Variants in GRK7 observed in about 807,000 individuals in gnomAD.
GRK7 encodes G protein-coupled receptor kinase 7, also known as rhodopsin kinase GRK7.
A neutral mutation model predicts 34.1 loss-of-function variants in GRK7; 24 were observed. The ratio of observed to expected loss-of-function variants is 0.70; its 90% CI spans 0.51 to 0.99. GRK7 has a LOEUF of 0.99. Ranked by LOEUF, GRK7 falls within the 50% of genes least tolerant of loss-of-function variation. The pLI is 0.00. For synonymous variants in GRK7, 256 were observed against 279.4 expected (o/e 0.92, Z 0.84); for missense variants, 644 against 707.3 (o/e 0.91, Z 1.02).
At chr3:141,754,808 C>G in the GRK7 span, among the ~76,000 whole-genome samples, 9 of 152,296 alleles carry the variant, frequency 5.9e-5, no homozygotes, top group Admixed American at 1.3e-4. Flanking sequence ...GCTACATATA[C>G]TTTCTTTTCA....
At chr3:141,783,353 G>A (rs577874771) in intron 4 of GRK7, among the ~76,000 whole-genome samples, 6 of 152,342 alleles carry the variant, frequency 3.9e-5, no homozygotes, top group East Asian at 1.9e-4. Context: ...AAGATCACCC[G>A]GCTCATGTCC....
intron 4 of GRK7, among the ~76,000 whole-genome samples, chr3:141,806,294 G>A (rs149285980): frequency 1.4e-3 from 206 of 152,232 alleles, no homozygotes; most frequent in African/African-American, 4.7e-3. Context: ...CAGGCACGGT[G>A]GCTCACATCT....
At chr3:141,772,254 G>A (rs1414136260) in intron 1 of GRK7, among the ~76,000 whole-genome samples, 2 of 151,666 alleles carry the variant, frequency 1.3e-5, no homozygotes, top group East Asian at 1.9e-4. Flanking sequence ...GCCACCATGC[G>A]CGGCTAATTT....
At chr3:141,771,345 A>G (rs2084616054) in intron 1 of GRK7, among the ~76,000 whole-genome samples, 1 of 152,234 alleles carries the variant, frequency 6.6e-6, no homozygotes, top group Admixed American at 6.5e-5. Context: ...AACATCTCAG[A>G]AAGAGAAAGT....
intron 5 of GRK7, among the ~76,000 whole-genome samples, chr3:141,809,420 C>T (rs1001328448): frequency 2.2e-4 from 34 of 152,138 alleles, no homozygotes; most frequent in African/African-American, 6.5e-4. Context: ...TTTAGAAGGC[C>T]GGGCGCAGTG....
Position 141,778,271 on chromosome 3 carries a change from C to T in GRK7, c.-14C>T, listed in dbSNP as rs1346380287. 3 of 1,544,096 alleles carry T rather than the reference C, an allele frequency of 1.9e-6. No individual in the cohort carries two copies. The highest frequency in any genetic ancestry group is 2.5e-5 in the South Asian group (2 of 79,848). On this transcript the variant is annotated 5_prime_UTR_variant, in exon 3 of 6. Transcript: ENST00000682958. The surrounding 1 kb of genome is among the most constrained non-coding windows in gnomAD (Gnocchi z 4.1). ...CTCTTGTGCTTTCCCTGGGAGTGCG[C>T]CCCGTGCTCAGCCATGGTGGACATG...
chr3:141,784,046 T>C (rs2084684358), intron 4 of GRK7, among the ~76,000 whole-genome samples: 1 of 152,196 alleles, frequency 6.6e-6, no homozygotes. Flanking sequence ...TGGACATGTA[T>C]CACACTAATT....
intron 4 of GRK7, among the ~76,000 whole-genome samples, chr3:141,792,370 C>T (rs2084728533): frequency 1.3e-5 from 2 of 149,372 alleles, no homozygotes; most frequent in South Asian, 4.2e-4. Flanking sequence ...TGCCACTGCA[C>T]TCCAACCTGG....
chr3:141,753,849 T>C, the GRK7 span, among the ~76,000 whole-genome samples: 2 of 152,362 alleles, frequency 1.3e-5, no homozygotes, highest in Non-Finnish European at 2.9e-5. Context: ...TCATAAATGC[T>C]AAAACAATAT....
At chr3:141,762,763 CGAGATTCCGTGGG>C (rs906849714), upstream of GRK7, among the ~76,000 whole-genome samples, 4 of 152,066 alleles carry the variant, frequency 2.6e-5, no homozygotes, top group Non-Finnish European at 4.4e-5. Context: ...TAGCAATCAG[CGAGATTCCGTGGG>C]GAGATTCCGT....
Position 141,807,938 on chromosome 3 carries a change from G to A in GRK7, c.1325+19G>A. ...GAAGCAGGTAAACTAGCATGTAACA[G>A]AGAGGATTGCTGACACCAGTATTGT... is the stretch of plus-strand genomic sequence containing the variant. On this transcript the variant is annotated intron_variant, in intron 5 of 5. Transcript: ENST00000682958. 1 of 1,555,116 alleles carries A rather than the reference G, an allele frequency of 6.4e-7. No homozygotes were observed. Among genetic ancestry groups the A allele is most frequent in the Non-Finnish European group, 8.7e-7 (1 of 1,151,006 alleles).
At chr3:141,787,391 A>T (rs1170086259) in intron 4 of GRK7, among the ~76,000 whole-genome samples, 1 of 152,134 alleles carries the variant, frequency 6.6e-6, no homozygotes, top group Non-Finnish European at 1.5e-5. Context: ...TGGGAGGCTG[A>T]GGCGGGTGGA....
In GRK7 at chr3:141,817,102, G is replaced by A. The variant is rs1004413057; in HGVS notation, c.*52G>A. 1.0e-5 allele frequency: 14 copies of A among 1,365,798 alleles called. No individual in the cohort carries two copies. The highest frequency in any genetic ancestry group is 4.6e-5 in the East Asian group (2 of 43,464). 84.6% of individuals were successfully genotyped at this position (1,365,798 alleles called of 1,614,324 possible). On this transcript the variant is annotated 3_prime_UTR_variant, in exon 6 of 6. Coordinates refer to ENST00000682958, the MANE Select transcript of GRK7 (RefSeq NM_139209.3). ...AGGAGTCTCGGCTGACATAATCCTCGAATGTTCCACACGTGGAAATCTGTG... is the reference window on the plus strand; with the variant it reads ...AGGAGTCTCGGCTGACATAATCCTCAAATGTTCCACACGTGGAAATCTGTG...
chr3:141,769,943 C>T (rs573305805), intron 1 of GRK7, among the ~76,000 whole-genome samples: 1 of 152,288 alleles, frequency 6.6e-6, no homozygotes, highest in Non-Finnish European at 1.5e-5. Flanking sequence ...GAGACAGAGC[C>T]TTGCCCTGTC....
At position 141,818,548 on chromosome 3, in the gene GRK7, A is replaced by G. The variant is rs1051720930; in HGVS notation, c.*1498A>G. ...AAATTGAATTGAAAAAATACTAACC[A>G]TCATTTCAAGTGGCTGCCCAGCCAA... On this transcript the variant is annotated 3_prime_UTR_variant, in exon 6 of 6. Coordinates refer to ENST00000682958, the MANE Select transcript of GRK7 (RefSeq NM_139209.3). The G allele has an allele frequency of 3.9e-5, 6 of 152,272 alleles. No homozygotes were observed. Among genetic ancestry groups the G allele is most frequent in the Middle Eastern group, 3.4e-3 (1 of 294 alleles). 9.4% of individuals were successfully genotyped at this position (152,272 alleles called of 1,614,324 possible).
intron 1 of GRK7, among the ~76,000 whole-genome samples, chr3:141,770,761 G>C (rs1054070131): frequency 6.6e-6 from 1 of 152,080 alleles, no homozygotes; most frequent in Non-Finnish European, 1.5e-5. Flanking sequence ...AACAAACGTT[G>C]GTGAGGATGT....
Position 141,817,688 on chromosome 3 carries a change from T to C in GRK7, c.*638T>C, listed in dbSNP as rs532729292. 1 of 152,376 alleles carries C rather than the reference T, an allele frequency of 6.6e-6. No homozygotes were observed. Among genetic ancestry groups the C allele is most frequent in the East Asian group, 1.9e-4 (1 of 5,190 alleles). The allele number at this position is 152,376 out of a possible 1,614,324, so 9.4% of individuals were successfully genotyped here. A position where few individuals can be genotyped will look rare whatever the true frequency, so the allele number is the denominator to read the frequency against. On this transcript the variant is annotated 3_prime_UTR_variant, in exon 6 of 6. Coordinates refer to ENST00000682958, the MANE Select transcript of GRK7 (RefSeq NM_139209.3). ...TCCATGACATCTGTGAATTAAAGCA[T>C]TCTGTAAATTTAGTTGAGTCCTTTA...
intron 4 of GRK7, among the ~76,000 whole-genome samples, chr3:141,798,568 G>A (rs1166315299): frequency 1.3e-5 from 2 of 152,178 alleles, no homozygotes; most frequent in African/African-American, 2.4e-5. Context: ...CGGTTCTGAT[G>A]CTGCTGAGAC....
At chr3:141,763,002 ACCCACTGGCCTGCG>A (rs2084563677), upstream of GRK7, among the ~76,000 whole-genome samples, 3 of 152,142 alleles carry the variant, frequency 2.0e-5, no homozygotes, top group Admixed American at 1.3e-4. Flanking sequence ...CGGTGCGCGC[ACCCACTGGCCTGCG>A]CCCACTGTCT....
Sources: gnomAD v4.1 joint callset for allele counts (sites outside exome capture counted in the v4.1 genomes callset) on GRCh38, gnomAD v4.1.1 for gene constraint, Gnocchi (gnomAD v3.1) non-coding constraint, MANE v1.5 for transcripts, NCBI Gene and HGNC (gene_info 2026-07-23, HGNC 2026-07-21) for gene names.